Variants in RBL1 observed in about 807,000 individuals in gnomAD.
RBL1 encodes retinoblastoma-like protein 1.
In RBL1, 82 loss-of-function variants were observed where a neutral mutation model predicts 123.0. The ratio of observed to expected loss-of-function variants is 0.67; its 90% CI spans 0.56 to 0.80. The LOEUF is 0.80. Ranked by LOEUF, RBL1 falls within the 30% of genes least tolerant of loss-of-function variation. RBL1 has a pLI of 0.00. For synonymous variants in RBL1, 405 were observed against 441.3 expected (o/e 0.92, Z 1.03); for missense variants, 1,171 against 1,299.6 (o/e 0.90, Z 1.52).
At chr20:37,088,386 T>C (rs2065587453) in intron 2 of RBL1, among the ~76,000 whole-genome samples, 1 of 152,006 alleles carries the variant, frequency 6.6e-6, no homozygotes, top group Non-Finnish European at 1.5e-5. Flanking sequence ...GGTATATGGG[T>C]ATTGTCCTTT....
At chr20:37,083,210 G>T (rs1376773742) in intron 2 of RBL1, among the ~76,000 whole-genome samples, 1 of 152,082 alleles carries the variant, frequency 6.6e-6, no homozygotes, top group Non-Finnish European at 1.5e-5. Context: ...GCTCATGCCT[G>T]TAATCTTAGC....
chr20:37,022,592 G>C, intron 17 of RBL1, 58 bp downstream of exon 17: 1 of 1,482,564 alleles, frequency 6.7e-7, no homozygotes, highest in Non-Finnish European at 9.1e-7. Context: ...CTCCGAAAGT[G>C]CTAGGATTAT....
intron 13 of RBL1, among the ~76,000 whole-genome samples, chr20:37,043,034 TGTG>T (rs1429056743): frequency 6.6e-6 from 1 of 151,566 alleles, no homozygotes; most frequent in Non-Finnish European, 1.5e-5. Flanking sequence ...ATGAGCCAGA[TGTG>T]GTGGCTCACA....
chr20:37,082,326 ATG>A (rs2065466077), intron 2 of RBL1, among the ~76,000 whole-genome samples: 1 of 152,206 alleles, frequency 6.6e-6, no homozygotes, highest in Non-Finnish European at 1.5e-5. Flanking sequence ...TTACCATTTA[ATG>A]TGTATAGTTT....
intron 7 of RBL1, 118 bp downstream of exon 7, chr20:37,065,306 G>T: frequency 1.5e-6 from 1 of 668,172 alleles, no homozygotes; most frequent in Non-Finnish European, 2.5e-6. Context: ...CACTAAAGCA[G>T]AGAGAACTTG....
At chr20:37,069,072 G>A (rs554899021) in intron 2 of RBL1, among the ~76,000 whole-genome samples, 1 of 152,270 alleles carries the variant, frequency 6.6e-6, no homozygotes, top group Non-Finnish European at 1.5e-5. Flanking sequence ...GCCCCTAACC[G>A]CAAGTGATCC....
At chr20:37,004,013 A>T in intron 20 of RBL1, 147 bp from the exon 21 acceptor site, 1 of 593,676 alleles carries the variant, frequency 1.7e-6, no homozygotes. Flanking sequence ...ATGATCCTTT[A>T]CTTCTTCTTT....
At chr20:37,042,902 C>T (rs373947379) in intron 13 of RBL1, among the ~76,000 whole-genome samples, 1,239 of 116,650 alleles carry the variant, frequency 0.011, 74 homozygotes, top group African/African-American at 0.039. Flanking sequence ...TTGTCCCCCC[C>T]CCTCCAAAAA....
chr20:37,004,085 A>G (rs1381813300), intron 20 of RBL1, among the ~76,000 whole-genome samples: 1 of 140,062 alleles, frequency 7.1e-6, no homozygotes, highest in East Asian at 2.1e-4. Flanking sequence ...TTTTTTTTTG[A>G]GATGGAGTAT....
At chr20:37,022,616 C>T (rs1279777364) in intron 17 of RBL1, 34 bp downstream of exon 17, 3 of 1,565,776 alleles carry the variant, frequency 1.9e-6, no homozygotes, top group Non-Finnish European at 2.6e-6. Flanking sequence ...TGTGAGCCAC[C>T]ATGCCCAGCC....
chr20:37,061,071 G>A, intron 9 of RBL1, 32 bp downstream of exon 9: 1 of 1,487,938 alleles, frequency 6.7e-7, no homozygotes, highest in Non-Finnish European at 9.0e-7. Flanking sequence ...ATTTTAAAAA[G>A]ACATTTGGAA....
intron 19 of RBL1, among the ~76,000 whole-genome samples, chr20:37,012,552 C>T (rs1385091595): frequency 9.3e-5 from 14 of 150,812 alleles, no homozygotes; most frequent in East Asian, 5.9e-4. Flanking sequence ...TCTACCCGGC[C>T]GCGACCCCGT....
intron 11 of RBL1, among the ~76,000 whole-genome samples, chr20:37,053,578 C>T (rs1008260404): frequency 6.6e-6 from 1 of 152,072 alleles, no homozygotes; most frequent in South Asian, 2.1e-4. Context: ...TTATTACTTT[C>T]TCTTATTTAT....
At chr20:37,012,000 T>A (rs1399527423) in intron 19 of RBL1, among the ~76,000 whole-genome samples, 1 of 152,228 alleles carries the variant, frequency 6.6e-6, no homozygotes, top group Non-Finnish European at 1.5e-5. Context: ...GTGCCTGCGA[T>A]TGCAGGCGCG....
chr20:37,023,131 T>C (rs2064369490), intron 16 of RBL1, among the ~76,000 whole-genome samples: 2 of 152,148 alleles, frequency 1.3e-5, no homozygotes, highest in Non-Finnish European at 1.5e-5. Flanking sequence ...TTTCCTTTTT[T>C]TTTTTTCTTA....
chr20:37,088,035 CGGGT>C (rs1446976342), intron 2 of RBL1, among the ~76,000 whole-genome samples: 1 of 152,036 alleles, frequency 6.6e-6, no homozygotes, highest in Non-Finnish European at 1.5e-5. Flanking sequence ...GAGGCTGAGG[CGGGT>C]GGATCACCTG....
intron 15 of RBL1, 141 bp from the exon 16 acceptor site, chr20:37,033,017 T>TA: frequency 4.4e-4 from 522 of 1,184,324 alleles, no homozygotes; most frequent in Middle Eastern, 9.2e-4. Flanking sequence ...ATGACTGAAT[T>TA]CTTTTTTTTT....
chr20:37,046,103 G>C (rs2064815781), intron 12 of RBL1, among the ~76,000 whole-genome samples: 1 of 152,146 alleles, frequency 6.6e-6, no homozygotes, highest in Admixed American at 6.6e-5. Context: ...ATAAAGGTAA[G>C]GTAAGTAAGA....
chr20:37,086,419 C>T (rs1318435995), intron 2 of RBL1, among the ~76,000 whole-genome samples: 6 of 151,796 alleles, frequency 4.0e-5, no homozygotes, highest in African/African-American at 9.7e-5. Context: ...AAACCCTCTC[C>T]CTATTAAAAA....
Sources: gnomAD v4.1 joint callset for allele counts (sites outside exome capture counted in the v4.1 genomes callset) on GRCh38, gnomAD v4.1.1 for gene constraint, MANE v1.5 for transcripts, NCBI Gene and HGNC (gene_info 2026-07-23, HGNC 2026-07-21) for gene names.